SAMD4A: variants seen among roughly 807,000 people sequenced by gnomAD.
SAMD4A encodes protein Smaug homolog 1.
In SAMD4A, 33 loss-of-function variants were observed where a neutral mutation model predicts 81.3. That is an observed-to-expected ratio of 0.41 (90% confidence interval 0.31 to 0.54). The LOEUF (loss-of-function observed/expected upper bound fraction) is 0.54, where lower values mean the gene tolerates loss of function less well. SAMD4A is among the 20% of genes least tolerant of loss of function. SAMD4A has a pLI of 0.37. For synonymous variants in SAMD4A, 389 were observed against 382.1 expected, an observed-to-expected ratio of 1.02 and a Z score of -0.21; for missense variants, 854 against 951.1, an observed-to-expected ratio of 0.90 and a Z score of 1.34.
chr14:54,726,378 A>G (rs1013395318), intron 3 of SAMD4A, among the ~76,000 whole-genome samples: 5 of 152,328 alleles, frequency 3.3e-5, no homozygotes, highest in South Asian at 2.1e-4. Flanking sequence ...TCTAGAGAGC[A>G]GTGCAAGAGT....
intron 2 of SAMD4A, among the ~76,000 whole-genome samples, chr14:54,630,472 G>A (rs1002791912): frequency 7.9e-5 from 12 of 152,172 alleles, no homozygotes; most frequent in African/African-American, 2.7e-4. Flanking sequence ...TTAGCCATTT[G>A]TATATCTTCT....
intron 2 of SAMD4A, among the ~76,000 whole-genome samples, chr14:54,660,534 T>A (rs768509527): frequency 2.6e-5 from 4 of 152,210 alleles, no homozygotes; most frequent in Non-Finnish European, 5.9e-5. Context: ...AAGAGGAGGA[T>A]GACAGGTCAG....
At chr14:54,606,339 C>T (rs1395282658) in intron 2 of SAMD4A, among the ~76,000 whole-genome samples, 1 of 152,196 alleles carries the variant, frequency 6.6e-6, no homozygotes, top group Non-Finnish European at 1.5e-5. Flanking sequence ...CCTGATTGGC[C>T]ATCACAGATT....
chr14:54,737,546 T>C (rs866196624), intron 4 of SAMD4A, among the ~76,000 whole-genome samples: 4 of 138,774 alleles, frequency 2.9e-5, no homozygotes, highest in Admixed American at 2.3e-4. Context: ...CTCTCTCTTT[T>C]TTTTTTTTTT....
chr14:54,613,943 C>T (rs1404277138), intron 2 of SAMD4A, among the ~76,000 whole-genome samples: 1 of 152,186 alleles, frequency 6.6e-6, no homozygotes, highest in Non-Finnish European at 1.5e-5. Flanking sequence ...GATTCCATGT[C>T]GCAAGTAACC....
At chr14:54,777,789 A>ACATTGCTT (rs1243275126) in intron 11 of SAMD4A, among the ~76,000 whole-genome samples, 1 of 152,216 alleles carries the variant, frequency 6.6e-6, no homozygotes, top group African/African-American at 2.4e-5. Context: ...AGGCCTGCTC[A>ACATTGCTT]CATTGCTTCT....
intron 2 of SAMD4A, chr14:54,681,779 A>G: frequency 1.0e-6 from 1 of 985,210 alleles, no homozygotes. Flanking sequence ...GGAGCCCCAA[A>G]TGAAAAATAT....
intron 2 of SAMD4A, 81 bp from the exon 3 acceptor site, chr14:54,701,981 C>G: frequency 7.0e-7 from 1 of 1,435,302 alleles, no homozygotes; most frequent in Non-Finnish European, 9.5e-7. Context: ...GACCCTAATC[C>G]ATAAAAATTC....
At chr14:54,598,699 CAA>C (rs1196396498) in intron 2 of SAMD4A, among the ~76,000 whole-genome samples, 2 of 152,094 alleles carry the variant, frequency 1.3e-5, no homozygotes, top group African/African-American at 4.8e-5. Flanking sequence ...CAGCAAAAAA[CAA>C]AAGTCAGAAA....
chr14:54,678,833 C>G (rs2036062459), intron 2 of SAMD4A, among the ~76,000 whole-genome samples: 1 of 152,284 alleles, frequency 6.6e-6, no homozygotes. Context: ...CAGGCGTGAG[C>G]CACCGCGCCC....
chr14:54,583,586 G>A (rs998715011), intron 2 of SAMD4A, among the ~76,000 whole-genome samples: 2 of 152,064 alleles, frequency 1.3e-5, no homozygotes, highest in Non-Finnish European at 2.9e-5. Flanking sequence ...CTTTTTCTTT[G>A]AGCTGATTTG....
intron 2 of SAMD4A, among the ~76,000 whole-genome samples, chr14:54,673,009 C>G (rs542256531): frequency 1.7e-4 from 26 of 152,280 alleles, no homozygotes; most frequent in South Asian, 8.3e-4. Context: ...TACCTGGGAC[C>G]CTTTCTCGAA....
intron 2 of SAMD4A, among the ~76,000 whole-genome samples, chr14:54,698,309 A>G (rs998143774): frequency 6.6e-6 from 1 of 152,236 alleles, no homozygotes; most frequent in African/African-American, 2.4e-5. Flanking sequence ...GTAATTCTGT[A>G]TCATATAACT....
intron 2 of SAMD4A, among the ~76,000 whole-genome samples, chr14:54,596,686 G>A (rs2033918964): frequency 6.6e-6 from 1 of 152,232 alleles, no homozygotes; most frequent in Admixed American, 6.5e-5. Flanking sequence ...ACTCTGCCAG[G>A]GAGGGAGCCG....
intron 2 of SAMD4A, among the ~76,000 whole-genome samples, chr14:54,670,826 A>G (rs1304924467): frequency 6.6e-6 from 1 of 152,238 alleles, no homozygotes; most frequent in Non-Finnish European, 1.5e-5. Flanking sequence ...GACTACCTGC[A>G]TTCCTTACCA....
At chr14:54,595,568 C>T (rs1446723713) in intron 2 of SAMD4A, among the ~76,000 whole-genome samples, 4 of 151,868 alleles carry the variant, frequency 2.6e-5, no homozygotes, top group East Asian at 1.9e-4. Flanking sequence ...GAACAGCCTT[C>T]GGAGGGGAGG....
At chr14:54,620,045 C>A (rs975241829) in intron 2 of SAMD4A, among the ~76,000 whole-genome samples, 2 of 151,870 alleles carry the variant, frequency 1.3e-5, no homozygotes, top group East Asian at 3.9e-4. Flanking sequence ...TACCAGTCAT[C>A]CAACTAAAAC....
Position 54,676,662 on chromosome 14 carries a change from C to G in SAMD4A, c.197-25400C>G, listed in dbSNP as rs566325750. ...CCTCCCAGAGTGCTGGGATTACAGGCGTGAACCACTGTGCCTATTCTGCTT... is the reference window on the plus strand; with the variant it reads ...CCTCCCAGAGTGCTGGGATTACAGGGGTGAACCACTGTGCCTATTCTGCTT... On this transcript the variant is annotated intron_variant, in intron 2 of 12. Transcript: ENST00000554335. Among the ~76,000 whole-genome samples, 17 of 152,340 alleles carry G rather than the reference C, an allele frequency of 1.1e-4. 1 individual carries two copies. The highest frequency in any genetic ancestry group is 3.4e-4 in the African/African-American group (14 of 41,584).
intron 3 of SAMD4A, among the ~76,000 whole-genome samples, chr14:54,723,064 G>A (rs1019484784): frequency 2.0e-5 from 3 of 150,730 alleles, no homozygotes; most frequent in South Asian, 2.1e-4. Context: ...ACAGCTTTTC[G>A]TTCAGAGAGA....
Sources: allele counts gnomAD v4.1 joint callset (sites outside exome capture counted in the v4.1 genomes callset), GRCh38; gene constraint gnomAD v4.1.1; transcripts MANE v1.5; gene names NCBI Gene and HGNC (gene_info 2026-07-23, HGNC 2026-07-21).